The following GOLGA3 variants were observed in gnomAD, a reference collection of about 807,000 sequenced individuals.
GOLGA3 encodes the protein golgin subfamily A member 3.
Under a neutral mutation model 169.4 loss-of-function variants are expected in GOLGA3, and 75 were observed. That is an observed-to-expected ratio of 0.44 (90% CI 0.37 to 0.54). The LOEUF (loss-of-function observed/expected upper bound fraction) is 0.54, where lower values mean the gene tolerates loss of function less well. GOLGA3 is among the 20% of genes least tolerant of loss of function. GOLGA3 has a pLI of 0.00. For synonymous variants in GOLGA3, 824 were observed against 822.4 expected (o/e 1.00, Z -0.03); for missense variants, 1,899 against 1,930.0 (o/e 0.98, Z 0.30).
At chr12:132,789,795 A>AAATAAAATACG (rs1168506467) in intron 12 of GOLGA3, among the ~76,000 whole-genome samples, 8 of 152,032 alleles carry the variant, frequency 5.3e-5, no homozygotes, top group Admixed American at 1.3e-4. Context: ...GCACTCTGGG[A>AAATAAAATACG]GCCCGAGCTG....
At position 132,777,898 on chromosome 12, in the gene GOLGA3, C is replaced by T. The variant is rs1436827795; in HGVS notation, c.3583-93G>A. ...CAGGGGGTGAATGCACTCCCGGCCC[C>T]GTGCATGTCCTGGCTGCCGGCGTGT... On this transcript the variant is annotated intron_variant, in intron 18 of 23. Coordinates refer to ENST00000450791, the MANE Select transcript of GOLGA3 (RefSeq NM_001389683.1). This position sits in a 1 kb window ranked among gnomAD's most constrained non-coding sequence, Gnocchi z 4.7. 5 of 1,378,714 alleles carry T rather than the reference C, an allele frequency of 3.6e-6. No homozygotes were observed. The highest frequency in any genetic ancestry group is 2.4e-5 in the East Asian group (1 of 42,046). 85.4% of individuals were successfully genotyped at this position (1,378,714 alleles called of 1,614,324 possible). A position where few individuals can be genotyped will look rare whatever the true frequency, so the allele number is the denominator to read the frequency against.
chr12:132,802,766 A>T (rs946187590), intron 7 of GOLGA3, among the ~76,000 whole-genome samples: 3 of 152,192 alleles, frequency 2.0e-5, no homozygotes, highest in African/African-American at 7.2e-5. Context: ...AAAACACTAG[A>T]CAGTGTTGGC....
chr12:132,782,193 A>T, intron 17 of GOLGA3, 103 bp downstream of exon 17: 1 of 1,089,008 alleles, frequency 9.2e-7, no homozygotes, highest in Non-Finnish European at 1.4e-6. Context: ...CGGGTGGGCT[A>T]GGAGTCAGCA....
rs149767971 is a variant in GOLGA3 at position 132,791,459 on chromosome 12, G to A, written c.2470-166C>T. On this transcript the variant is annotated intron_variant, in intron 11 of 23. Coordinates refer to ENST00000450791, the MANE Select transcript of GOLGA3 (RefSeq NM_001389683.1). ...ACAGATGTTACACTGAGGGCTCCAG[G>A]AAAGGACACATCTGCAGAGATGTTT... 9.9e-4 allele frequency among the ~76,000 whole-genome samples: 151 copies of A among 152,104 alleles called. 1 individual carries two copies. Among genetic ancestry groups the A allele is most frequent in the African/African-American group, 3.4e-3 (140 of 41,462 alleles).
At chr12:132,809,182 T>C (rs1019564341) in intron 4 of GOLGA3, among the ~76,000 whole-genome samples, 1 of 152,208 alleles carries the variant, frequency 6.6e-6, no homozygotes, top group Non-Finnish European at 1.5e-5. Context: ...TACGCCATTA[T>C]TTCTGCATAT....
chr12:132,809,636 A>T (rs941590532), intron 4 of GOLGA3, among the ~76,000 whole-genome samples: 1 of 151,988 alleles, frequency 6.6e-6, no homozygotes, highest in Non-Finnish European at 1.5e-5. Flanking sequence ...TTCTGGTCAC[A>T]CCTCACTATG....
chr12:132,814,909 C>T (rs528594119), intron 3 of GOLGA3, among the ~76,000 whole-genome samples: 1 of 152,368 alleles, frequency 6.6e-6, no homozygotes, highest in Admixed American at 6.5e-5. Flanking sequence ...GGCTCCACTT[C>T]CCAGGACTGA....
At chr12:132,800,351 G>A (rs765389936) in intron 8 of GOLGA3, among the ~76,000 whole-genome samples, 3 of 152,022 alleles carry the variant, frequency 2.0e-5, no homozygotes, top group South Asian at 2.1e-4. Flanking sequence ...AAAATTAGCC[G>A]GGCATGGTGG....
At chr12:132,810,544 T>A (rs1949649521) in intron 4 of GOLGA3, among the ~76,000 whole-genome samples, 1 of 152,290 alleles carries the variant, frequency 6.6e-6, no homozygotes, top group East Asian at 1.9e-4. Context: ...TCTACAATCA[T>A]AACCTAGGAA....
intron 18 of GOLGA3, among the ~76,000 whole-genome samples, chr12:132,780,272 C>G (rs1188308910): frequency 6.6e-6 from 1 of 152,144 alleles, no homozygotes; most frequent in African/African-American, 2.4e-5. Context: ...TGCTCTGTGC[C>G]AGGTATGGCG....
At chr12:132,806,793 C>T (rs1949428446) in intron 6 of GOLGA3, among the ~76,000 whole-genome samples, 1 of 152,170 alleles carries the variant, frequency 6.6e-6, no homozygotes, top group South Asian at 2.1e-4. Context: ...ACCAAGCCAG[C>T]GTGTGCAGCT....
At chr12:132,811,079 C>T (rs1268360006) in intron 4 of GOLGA3, among the ~76,000 whole-genome samples, 1 of 152,222 alleles carries the variant, frequency 6.6e-6, no homozygotes, top group Non-Finnish European at 1.5e-5. Flanking sequence ...ACCCACGTGA[C>T]CTTACTTATC....
chr12:132,822,175 AC>A lies in GOLGA3; in HGVS notation c.-48del. The A allele has an allele frequency of 6.4e-7, 1 of 1,566,094 alleles. No homozygotes were observed. Among genetic ancestry groups the A allele is most frequent in the Non-Finnish European group, 8.6e-7 (1 of 1,164,354 alleles). ...GCTGACGCTGAGGGGCTACAAGTGA[AC>A]CTTGGACAAGCTTGGCTTCTGCCAT... On this transcript the variant is annotated 5_prime_UTR_variant, in exon 2 of 24. An upstream open reading frame in the 5' UTR gains an earlier in-frame stop. Coordinates refer to ENST00000450791, the MANE Select transcript of GOLGA3 (RefSeq NM_001389683.1).
chr12:132,813,454 A>T (rs760436369), intron 3 of GOLGA3, 35 bp from the exon 4 acceptor site: 2 of 1,169,632 alleles, frequency 1.7e-6, no homozygotes, highest in Non-Finnish European at 2.5e-6. Context: ...GAAACTCATA[A>T]AATACCAGGA....
At chr12:132,790,743 T>G (rs543335250) in intron 12 of GOLGA3, among the ~76,000 whole-genome samples, 1 of 152,036 alleles carries the variant, frequency 6.6e-6, no homozygotes, top group East Asian at 1.9e-4. Flanking sequence ...GCAGATTAAG[T>G]ACCTTTAAAA....
At chr12:132,811,861 CAT>C (rs1949724873) in intron 4 of GOLGA3, 2 of 942,642 alleles carry the variant, frequency 2.1e-6, no homozygotes, top group African/African-American at 1.8e-5. Flanking sequence ...TGAAACATGA[CAT>C]AGGCTGGGCG....
intron 12 of GOLGA3, among the ~76,000 whole-genome samples, chr12:132,789,494 G>A (rs1332708258): frequency 6.6e-6 from 1 of 152,226 alleles, no homozygotes; most frequent in Non-Finnish European, 1.5e-5. Context: ...TGCCTGTTGA[G>A]AGACTGCGTG....
Position 132,798,493 on chromosome 12 carries a change from C to T in GOLGA3, c.1801-16G>A. 6.3e-7 allele frequency: 1 copy of T among 1,586,926 alleles called. No individual in the cohort carries two copies. The highest frequency in any genetic ancestry group is 2.2e-5 in the East Asian group (1 of 44,746). ...TCTGTCCAACCTTAAAAAAAAAACC[C>T]ACAAAGTAAAAAGTTGCTCAATTTC... On this transcript the variant is annotated splice_polypyrimidine_tract_variant and intron_variant, in intron 8 of 23. Transcript: ENST00000450791.
rs545748931 is a variant in GOLGA3, at chr12:132,826,272, C to G, written c.-184+2531G>C. On this transcript the variant is annotated intron_variant, in intron 1 of 23. Coordinates refer to ENST00000450791, the MANE Select transcript of GOLGA3 (RefSeq NM_001389683.1). ...AAAAAAAAAAAAGAAACTGGAAGAG[C>G]AGCATCACGGCCACGGCCCAGACAG... 4.5e-6 allele frequency: 5 copies of G among 1,123,386 alleles called. No individual in the cohort carries two copies. The South Asian group carries it at 6.6e-5, about 15-fold the overall frequency. The allele number at this position is 1,123,386 out of a possible 1,614,324, so 69.6% of individuals were successfully genotyped here.
Sources: allele counts gnomAD v4.1 joint callset (sites outside exome capture counted in the v4.1 genomes callset), GRCh38; gene constraint gnomAD v4.1.1; non-coding constraint Gnocchi (gnomAD v3.1); transcripts MANE v1.5; gene names NCBI Gene and HGNC (gene_info 2026-07-23, HGNC 2026-07-21).